Variants in CISTR observed in about 807,000 individuals in gnomAD.
The protein encoded by CISTR is chondrogenesis-associated transcript, also known as chondrogenic regulator lncRNA.
At chr12:53,753,571 A>G (rs1477211967) in intron 1 of CISTR, among the ~76,000 whole-genome samples, 1 of 152,022 alleles carries the variant, frequency 6.6e-6, no homozygotes, top group Non-Finnish European at 1.5e-5. Flanking sequence ...AAAGAAGAGA[A>G]CTAGCAAGTT....
chr12:53,755,211 A>C (rs548883886), intron 1 of CISTR, among the ~76,000 whole-genome samples: 1 of 152,240 alleles, frequency 6.6e-6, no homozygotes, highest in African/African-American at 2.4e-5. Context: ...ATATTTAGAG[A>C]GGCTGTTTTG....
intron 1 of CISTR, among the ~76,000 whole-genome samples, chr12:53,753,774 A>G (rs953806346): frequency 1.3e-5 from 2 of 151,510 alleles, no homozygotes; most frequent in Non-Finnish European, 2.9e-5. Context: ...AGGGCTTGGG[A>G]GGGCAGGTTT....
At chr12:53,748,807 G>T (rs571786252) in intron 2 of CISTR, among the ~76,000 whole-genome samples, 2 of 152,274 alleles carry the variant, frequency 1.3e-5, no homozygotes, top group African/African-American at 4.8e-5. Flanking sequence ...GGAGAAGATG[G>T]GTTTCCAAGG....
rs988135232 is a variant in CISTR, at chr12:53,751,650, G to C, written n.415-685C>G. On this transcript the variant is annotated intron_variant and non_coding_transcript_variant, in intron 1 of 2. Coordinates refer to ENST00000669269, the Ensembl canonical transcript of CISTR. The surrounding 1 kb of genome is among the most constrained non-coding windows in gnomAD (Gnocchi z 4.6). ...CTGGCTGGGCCGGGAGTGGGGTCGGGGGTGCGTGCGGGTGCGATCCGGGCC... is the reference window on the plus strand; with the variant it reads ...CTGGCTGGGCCGGGAGTGGGGTCGGCGGTGCGTGCGGGTGCGATCCGGGCC... 1 of 152,190 alleles carries C rather than the reference G, an allele frequency of 6.6e-6. No homozygotes were observed. The highest frequency in any genetic ancestry group is 1.5e-5 in the Non-Finnish European group (1 of 68,088). The allele number at this position is 152,190 out of a possible 1,614,324, so 9.4% of individuals were successfully genotyped here.
chr12:53,752,279 A>T (rs1026477113), intron 1 of CISTR, among the ~76,000 whole-genome samples: 1 of 152,120 alleles, frequency 6.6e-6, no homozygotes, highest in Non-Finnish European at 1.5e-5. Context: ...CACCCTACTA[A>T]TTGGGGCTCT....
intron 1 of CISTR, among the ~76,000 whole-genome samples, chr12:53,753,881 G>T (rs1481081337): frequency 6.6e-6 from 1 of 152,160 alleles, no homozygotes; most frequent in African/African-American, 2.4e-5. Flanking sequence ...AATGTAAAAT[G>T]TCCTGCTGTT....
rs1174285011 is a variant in CISTR, at chr12:53,751,724, T to TCCCG, written n.415-763_415-760dup. ...CCCGGGGCGAGGGCAGCGGGCCGGT[T>TCCCG]CCCGCCCGCCCGGGGCCGCGGCTTC... is the stretch of plus-strand genomic sequence containing the variant. On this transcript the variant is annotated intron_variant and non_coding_transcript_variant, in intron 1 of 2. Transcript: ENST00000669269. The surrounding 1 kb of genome is among the most constrained non-coding windows in gnomAD (Gnocchi z 4.6). 2.0e-5 allele frequency: 3 copies of TCCCG among 151,510 alleles called. No individual in the cohort carries two copies. Among genetic ancestry groups the TCCCG allele is most frequent in the South Asian group, 2.1e-4 (1 of 4,792 alleles). 9.4% of individuals were successfully genotyped at this position (151,510 alleles called of 1,614,324 possible). A position where few individuals can be genotyped will look rare whatever the true frequency, so the allele number is the denominator to read the frequency against.
At chr12:53,749,306 GTGTA>G (rs1314550366) in intron 2 of CISTR, among the ~76,000 whole-genome samples, 1 of 151,386 alleles carries the variant, frequency 6.6e-6, no homozygotes, top group Admixed American at 6.6e-5. Context: ...GTGTGTGTGT[GTGTA>G]TATATATATA....
intron 2 of CISTR, among the ~76,000 whole-genome samples, chr12:53,747,349 C>A (rs1459419001): frequency 6.6e-6 from 1 of 152,156 alleles, no homozygotes; most frequent in Non-Finnish European, 1.5e-5. Context: ...GGAATCCCCT[C>A]CCACCCACCA....
intron 2 of CISTR, among the ~76,000 whole-genome samples, chr12:53,747,984 C>T (rs920128334): frequency 6.6e-6 from 1 of 152,170 alleles, no homozygotes; most frequent in African/African-American, 2.4e-5. Flanking sequence ...TTCCTTTTCT[C>T]TTAGAATGTA....
chr12:53,749,714 G>C (rs1217353695), intron 2 of CISTR, among the ~76,000 whole-genome samples: 1 of 152,118 alleles, frequency 6.6e-6, no homozygotes, highest in Non-Finnish European at 1.5e-5. Flanking sequence ...GTATAGCTCT[G>C]AGCATCTGCA....
At position 53,752,854 on chromosome 12, in the gene CISTR, A is replaced by G. The variant is rs572977583; in HGVS notation, n.415-1889T>C. Among the ~76,000 whole-genome samples the G allele has an allele frequency of 2.0e-5, 3 of 152,308 alleles. No homozygotes were observed. The East Asian group carries it at 5.8e-4, about 29-fold the overall frequency. ...CTGGCACACTGGACTGAGCAAATTA[A>G]AACCTAAGGGACACGTCAACCCGCA... On this transcript the variant is annotated intron_variant and non_coding_transcript_variant, in intron 1 of 2. Coordinates refer to ENST00000669269, the Ensembl canonical transcript of CISTR.
chr12:53,754,680 C>T (rs1937896118), intron 1 of CISTR, among the ~76,000 whole-genome samples: 2 of 152,206 alleles, frequency 1.3e-5, no homozygotes, highest in Non-Finnish European at 2.9e-5. Flanking sequence ...TCTTTGATAT[C>T]ATCCCAGCTT....
Position 53,756,212 on chromosome 12 carries a change from C to A in CISTR, n.414+602G>T, listed in dbSNP as rs539162030. On this transcript the variant is annotated intron_variant and non_coding_transcript_variant, in intron 1 of 2. Coordinates refer to ENST00000669269, the Ensembl canonical transcript of CISTR. This position sits in a 1 kb window ranked among gnomAD's most constrained non-coding sequence, Gnocchi z 4.0. ...GCTGGGGGAGCCTTCCCTCCATGTA[C>A]TCTTCTACCATCCCCTTTTCTGGCT... is the stretch of plus-strand genomic sequence containing the variant. 6.6e-6 allele frequency among the ~76,000 whole-genome samples: 1 copy of A among 152,260 alleles called. No individual in the cohort carries two copies. Among genetic ancestry groups the A allele is most frequent in the Non-Finnish European group, 1.5e-5 (1 of 68,018 alleles).
At chr12:53,752,071 C>T (rs918980665) in intron 1 of CISTR, among the ~76,000 whole-genome samples, 3 of 152,212 alleles carry the variant, frequency 2.0e-5, no homozygotes, top group Admixed American at 2.0e-4. Context: ...GTAGACTCTG[C>T]AGCCGGGCTC....
At chr12:53,747,690 G>A (rs772349657) in intron 2 of CISTR, among the ~76,000 whole-genome samples, 1 of 152,134 alleles carries the variant, frequency 6.6e-6, no homozygotes, top group Admixed American at 6.5e-5. Flanking sequence ...GATTTGGGGA[G>A]AACTGATAAA....
chr12:53,754,627 T>TAGAGG (rs1481645855), intron 1 of CISTR: 4 of 152,242 alleles, frequency 2.6e-5, no homozygotes, highest in African/African-American at 9.6e-5. Context: ...AAGAACTGTG[T>TAGAGG]ACAGTTGAAT....
intron 2 of CISTR, among the ~76,000 whole-genome samples, chr12:53,747,991 T>C (rs1234209429): frequency 2.0e-5 from 3 of 152,166 alleles, no homozygotes; most frequent in African/African-American, 2.4e-5. Flanking sequence ...TCTCTTAGAA[T>C]GTACAAGACA....
intron 1 of CISTR, among the ~76,000 whole-genome samples, chr12:53,754,679 T>A (rs1373801340): frequency 2.6e-5 from 4 of 152,222 alleles, no homozygotes; most frequent in African/African-American, 7.2e-5. Flanking sequence ...CTCTTTGATA[T>A]CATCCCAGCT....
Sources: allele counts gnomAD v4.1 joint callset (sites outside exome capture counted in the v4.1 genomes callset), GRCh38; gene constraint gnomAD v4.1.1; non-coding constraint Gnocchi (gnomAD v3.1); transcripts MANE v1.5; gene names NCBI Gene and HGNC (gene_info 2026-07-23, HGNC 2026-07-21).